Variants in CNTN4 observed in about 807,000 individuals in gnomAD.
CNTN4 encodes contactin 4, also known as contactin-4.
CNTN4 carries 77 observed loss-of-function variants against 122.5 expected under a neutral mutation model. The observed-to-expected ratio is 0.63, with a 90% CI of 0.52 to 0.76. The LOEUF (loss-of-function observed/expected upper bound fraction) is 0.76. Ranked by LOEUF, CNTN4 falls within the 30% of genes least tolerant of loss-of-function variation. The pLI is 0.00. For missense variants in CNTN4, 1,256 were observed against 1,259.1 expected, an observed-to-expected ratio of 1.00 and a Z score of 0.04; for synonymous variants, 512 against 447.0, an observed-to-expected ratio of 1.15 and a Z score of -1.83.
chr3:2,284,901 C>G (rs1391033574), intron 2 of CNTN4, among the ~76,000 whole-genome samples: 1 of 151,424 alleles, frequency 6.6e-6, no homozygotes, highest in Non-Finnish European at 1.5e-5. Context: ...AAAACATATA[C>G]CACAGGGAGA....
At chr3:2,266,468 A>C (rs2041055656) in intron 2 of CNTN4, among the ~76,000 whole-genome samples, 1 of 152,138 alleles carries the variant, frequency 6.6e-6, no homozygotes, top group South Asian at 2.1e-4. Context: ...CAGAGAAGTT[A>C]TCTTGCTCTG....
intron 4 of CNTN4, among the ~76,000 whole-genome samples, chr3:2,665,868 G>T (rs978029112): frequency 1.3e-5 from 2 of 152,188 alleles, no homozygotes; most frequent in South Asian, 4.1e-4. Flanking sequence ...GTGGCGTGTG[G>T]TATCAGTGGA....
chr3:2,906,545 A>T (rs1376177395), intron 12 of CNTN4, among the ~76,000 whole-genome samples: 1 of 152,168 alleles, frequency 6.6e-6, no homozygotes. Flanking sequence ...AACTTGAAAA[A>T]GAAAGATGGT....
intron 3 of CNTN4, among the ~76,000 whole-genome samples, chr3:2,509,407 G>A (rs1432709919): frequency 6.6e-6 from 1 of 152,178 alleles, no homozygotes; most frequent in Non-Finnish European, 1.5e-5. Flanking sequence ...TGGATTGAAA[G>A]TACTTAAAAA....
chr3:2,256,449 G>A (rs953135350), intron 2 of CNTN4, among the ~76,000 whole-genome samples: 1 of 152,156 alleles, frequency 6.6e-6, no homozygotes, highest in Non-Finnish European at 1.5e-5. Flanking sequence ...TGTGAGGTCA[G>A]CATCATCCTG....
At chr3:2,459,235 A>T (rs1332671014) in intron 3 of CNTN4, among the ~76,000 whole-genome samples, 1 of 152,126 alleles carries the variant, frequency 6.6e-6, no homozygotes, top group Non-Finnish European at 1.5e-5. Context: ...GGCAATTTGA[A>T]TGCATCACTA....
chr3:2,840,105 C>A (rs1184075469), intron 7 of CNTN4, among the ~76,000 whole-genome samples: 1 of 152,120 alleles, frequency 6.6e-6, no homozygotes, highest in Non-Finnish European at 1.5e-5. Context: ...GGAAGCCCAA[C>A]CCAATAACTT....
intron 4 of CNTN4, among the ~76,000 whole-genome samples, chr3:2,676,420 G>C (rs2600276): frequency 0.33 from 50,710 of 152,018 alleles, 8,755 homozygotes; most frequent in South Asian, 0.49. Context: ...CAGGGTTTCT[G>C]TATGTTGGCC....
chr3:2,390,096 A>G (rs1049807069), intron 3 of CNTN4, among the ~76,000 whole-genome samples: 1 of 152,098 alleles, frequency 6.6e-6, no homozygotes, highest in Non-Finnish European at 1.5e-5. Flanking sequence ...TTTTCAGATG[A>G]CAGTTTTACT....
intron 4 of CNTN4, among the ~76,000 whole-genome samples, chr3:2,710,297 T>C (rs2149332730): frequency 6.6e-6 from 1 of 152,296 alleles, no homozygotes; most frequent in South Asian, 2.1e-4. Context: ...AGGTTGCCTA[T>C]CTTGGCCAAA....
intron 6 of CNTN4, among the ~76,000 whole-genome samples, chr3:2,793,014 A>T (rs1170187611): frequency 3.9e-5 from 6 of 152,136 alleles, no homozygotes; most frequent in Non-Finnish European, 5.9e-5. Context: ...GGGAAGTATT[A>T]TTGTTTCCAT....
chr3:2,119,919 T>C (rs1400684983), intron 2 of CNTN4, among the ~76,000 whole-genome samples: 1 of 152,102 alleles, frequency 6.6e-6, no homozygotes, highest in East Asian at 1.9e-4. Flanking sequence ...AGGAAAGTGC[T>C]GAGATAGTGC....
intron 3 of CNTN4, among the ~76,000 whole-genome samples, chr3:2,513,712 T>C (rs2076957847): frequency 6.6e-6 from 1 of 152,214 alleles, no homozygotes. Context: ...TTTGCTTCTA[T>C]TACTTTCGGA....
chr3:2,438,784 G>C (rs111873863), intron 3 of CNTN4, among the ~76,000 whole-genome samples: 20 of 152,322 alleles, frequency 1.3e-4, no homozygotes, highest in African/African-American at 4.8e-4. Context: ...CCACGGTCTG[G>C]AGTCTGGTTC....
intron 4 of CNTN4, among the ~76,000 whole-genome samples, chr3:2,680,336 A>C (rs1310080759): frequency 1.3e-5 from 2 of 152,164 alleles, no homozygotes; most frequent in Non-Finnish European, 2.9e-5. Flanking sequence ...TGCTGGGAAG[A>C]GGTAACAAGA....
At chr3:2,224,221 C>G (rs2039175778) in intron 2 of CNTN4, among the ~76,000 whole-genome samples, 1 of 152,158 alleles carries the variant, frequency 6.6e-6, no homozygotes, top group Admixed American at 6.5e-5. Flanking sequence ...GTGGCACATT[C>G]TGGTCTTCTA....
At chr3:2,677,211 A>G (rs1048594798) in intron 4 of CNTN4, among the ~76,000 whole-genome samples, 3 of 150,038 alleles carry the variant, frequency 2.0e-5, no homozygotes, top group South Asian at 2.1e-4. Context: ...CTATATATGT[A>G]TATATATATC....
chr3:2,409,499 A>G (rs1321896650), intron 3 of CNTN4, among the ~76,000 whole-genome samples: 1 of 152,026 alleles, frequency 6.6e-6, no homozygotes. Context: ...TGCACGCCTC[A>G]GCCTCCCAAA....
intron 2 of CNTN4, among the ~76,000 whole-genome samples, chr3:2,258,002 G>T (rs559779368): frequency 6.6e-6 from 1 of 152,272 alleles, no homozygotes; most frequent in South Asian, 2.1e-4. Context: ...GGTGGAAGTT[G>T]CAGTGAGCTG....
Sources: gnomAD v4.1 joint callset for allele counts (sites outside exome capture counted in the v4.1 genomes callset) on GRCh38, gnomAD v4.1.1 for gene constraint, MANE v1.5 for transcripts, NCBI Gene and HGNC (gene_info 2026-07-23, HGNC 2026-07-21) for gene names.